The following GIGYF2 variants were observed in gnomAD, a reference collection of about 807,000 sequenced individuals.
The protein encoded by GIGYF2 is GRB10-interacting GYF protein 2.
In GIGYF2, 25 loss-of-function variants were observed where a neutral mutation model predicts 208.1. The ratio of observed to expected loss-of-function variants is 0.12; its 90% CI spans 0.09 to 0.17. The LOEUF (loss-of-function observed/expected upper bound fraction) is 0.17, where lower values mean the gene tolerates loss of function less well. Among genes scored for constraint, GIGYF2 ranks in the 10% least tolerant of loss-of-function variants. The probability of loss-of-function intolerance (pLI) is 1.00; values close to 1 mark genes in which losing one functional copy is unlikely to be tolerated. For missense variants in GIGYF2, 1,302 were observed against 1,579.4 expected, an observed-to-expected ratio of 0.82 and a Z score of 2.98; for synonymous variants, 534 against 543.8, an observed-to-expected ratio of 0.98 and a Z score of 0.25.
At chr2:232,822,287 G>C (rs1419342849) in intron 21 of GIGYF2, among the ~76,000 whole-genome samples, 1 of 152,058 alleles carries the variant, frequency 6.6e-6, no homozygotes, top group African/African-American at 2.4e-5. Flanking sequence ...TGTTTTCCTT[G>C]TTTTTTCTCA....
intron 8 of GIGYF2, among the ~76,000 whole-genome samples, chr2:232,765,108 C>G (rs536472307): frequency 5.9e-5 from 9 of 152,206 alleles, no homozygotes; most frequent in African/African-American, 2.2e-4. Flanking sequence ...ATGTCATAGT[C>G]ACTTTGATTG....
In GIGYF2 at chr2:232,796,051, T is replaced by C. The variant is rs1574894532; in HGVS notation, c.1480-11T>C. The C allele has an allele frequency of 2.5e-6, 4 of 1,603,840 alleles. No individual in the cohort carries two copies. In the East Asian group the frequency reaches 8.9e-5, roughly 36 times the overall value. On this transcript the variant is annotated splice_polypyrimidine_tract_variant and intron_variant, in intron 13 of 28. Transcript: ENST00000373563. ...CATTTGTTTCCTTGATTTTTGTTTT[T>C]CTGTTACTAGCAAGCTGAGAAAATG... is the stretch of plus-strand genomic sequence containing the variant.
At chr2:232,743,095 A>T (rs377631525) in intron 3 of GIGYF2, among the ~76,000 whole-genome samples, 2 of 152,166 alleles carry the variant, frequency 1.3e-5, no homozygotes, top group Non-Finnish European at 2.9e-5. Flanking sequence ...TGGGAGTATC[A>T]TGGGGCTTTG....
At chr2:232,739,371 C>A (rs1350858986) in intron 3 of GIGYF2, among the ~76,000 whole-genome samples, 1 of 136,196 alleles carries the variant, frequency 7.3e-6, no homozygotes, top group Non-Finnish European at 1.6e-5. Context: ...ACCCCCCCCC[C>A]CCCGCAAAAA....
chr2:232,809,844 G>T, intron 16 of GIGYF2, 33 bp downstream of exon 16: 4 of 1,127,720 alleles, frequency 3.5e-6, no homozygotes, highest in Non-Finnish European at 5.4e-6. Context: ...ATGTACTGCA[G>T]CATGAAAAAG....
chr2:232,847,613 T>C (rs932648171), intron 27 of GIGYF2, 42 bp downstream of exon 27: 1 of 1,608,704 alleles, frequency 6.2e-7, no homozygotes, highest in Non-Finnish European at 8.5e-7. Flanking sequence ...TGAGGATTAA[T>C]ACCTTTAGAT....
chr2:232,737,760 G>A (rs913912512), intron 3 of GIGYF2, among the ~76,000 whole-genome samples: 3 of 151,816 alleles, frequency 2.0e-5, no homozygotes, highest in African/African-American at 2.4e-5. Context: ...GTTTATTAAG[G>A]TCATCATTTT....
In GIGYF2 at chr2:232,824,147, C is replaced by A. The variant is rs6711939; in HGVS notation, c.2529+4162C>A. 5.7e-3 allele frequency among the ~76,000 whole-genome samples: 871 copies of A among 152,246 alleles called. 3 individuals are homozygous for A. The highest frequency in any genetic ancestry group is 0.02 in the African/African-American group (830 of 41,504). On this transcript the variant is annotated intron_variant, in intron 21 of 28. Transcript: ENST00000373563. ...TCCTCTCCTTCGACCTCCCTATTCG[C>A]TGAGACACATCATTATGGAAATTAG...
chr2:232,841,712 T>C (rs767496243), intron 23 of GIGYF2, among the ~76,000 whole-genome samples: 64 of 152,116 alleles, frequency 4.2e-4, no homozygotes, highest in Non-Finnish European at 7.1e-4. Context: ...ATTTCTTACG[T>C]AGAAAAACCC....
chr2:232,796,609 A>T lies in GIGYF2; in HGVS notation c.1639+388A>T, dbSNP rs192404950. Among the ~76,000 whole-genome samples the T allele has an allele frequency of 2.8e-3, 423 of 152,356 alleles. 3 individuals are homozygous for T. The highest frequency in any genetic ancestry group is 9.8e-3 in the African/African-American group (409 of 41,592). ...TGGCGTGGCTCACGCCTGTAATCCC[A>T]GCACTTTGGGAAGCCGAGGTGGGCG... is the stretch of plus-strand genomic sequence containing the variant. On this transcript the variant is annotated intron_variant, in intron 14 of 28. Coordinates refer to ENST00000373563, the MANE Select transcript of GIGYF2 (RefSeq NM_001103146.3).
chr2:232,786,482 C>T (rs1699911551), intron 8 of GIGYF2, among the ~76,000 whole-genome samples: 1 of 152,206 alleles, frequency 6.6e-6, no homozygotes, highest in Non-Finnish European at 1.5e-5. Flanking sequence ...CGTGATCCAC[C>T]TGTCTCGGCC....
intron 2 of GIGYF2, among the ~76,000 whole-genome samples, chr2:232,708,342 T>C (rs1696225252): frequency 6.6e-6 from 1 of 152,134 alleles, no homozygotes; most frequent in Non-Finnish European, 1.5e-5. Context: ...CTATGTTGTT[T>C]AATTGTGTGG....
At chr2:232,829,580 TC>T (rs2106405750) in intron 21 of GIGYF2, among the ~76,000 whole-genome samples, 1 of 152,324 alleles carries the variant, frequency 6.6e-6, no homozygotes, top group South Asian at 2.1e-4. Context: ...TTTTCCAGCT[TC>T]CAGCTGCACC....
rs1695634761 is a variant in GIGYF2 at position 232,697,359 on chromosome 2, C to G, written c.-143C>G. The stretch of plus-strand genomic sequence containing the variant: ...TTGTGTTGTTGAGGCTGAGGACTGA[C>G]TGGGGTTCTGAGACTCCCTGTCCCG... On this transcript the variant is annotated 5_prime_UTR_variant, in exon 1 of 29. Transcript: ENST00000373563. The G allele has an allele frequency of 6.6e-6, 1 of 152,490 alleles. No homozygotes were observed. Among genetic ancestry groups the G allele is most frequent in the Non-Finnish European group, 1.5e-5 (1 of 68,270 alleles). The allele number at this position is 152,490 out of a possible 1,614,324, so 9.4% of individuals were successfully genotyped here. A position where few individuals can be genotyped will look rare whatever the true frequency, so the allele number is the denominator to read the frequency against.
chr2:232,707,748 C>G (rs995031783), intron 2 of GIGYF2, among the ~76,000 whole-genome samples: 2 of 151,462 alleles, frequency 1.3e-5, no homozygotes, highest in African/African-American at 4.9e-5. Flanking sequence ...AGCGATTTTC[C>G]TGCCTCAGCC....
chr2:232,707,108 AAGG>A (rs1279255377), intron 2 of GIGYF2, among the ~76,000 whole-genome samples: 2 of 152,124 alleles, frequency 1.3e-5, no homozygotes, highest in African/African-American at 4.8e-5. Context: ...TTTTCACTAA[AAGG>A]AGGAAGAAAG....
chr2:232,754,592 G>A (rs1698460393), intron 5 of GIGYF2, among the ~76,000 whole-genome samples: 1 of 152,068 alleles, frequency 6.6e-6, no homozygotes, highest in Non-Finnish European at 1.5e-5. Flanking sequence ...AGTTAGCTCT[G>A]ACCACAATTA....
At chr2:232,729,849 C>T in intron 2 of GIGYF2, 1 of 735,756 alleles carries the variant, frequency 1.4e-6, no homozygotes, top group South Asian at 1.4e-5. Context: ...CTTCCCTTAG[C>T]CTCTTCGTTT....
chr2:232,753,180 GTGGTGTGA>G (rs2106317917), intron 5 of GIGYF2, among the ~76,000 whole-genome samples: 1 of 151,816 alleles, frequency 6.6e-6, no homozygotes, highest in South Asian at 2.1e-4. Flanking sequence ...CTAGAGTGCA[GTGGTGTGA>G]TCTTGGCTCA....
Sources: allele counts gnomAD v4.1 joint callset (sites outside exome capture counted in the v4.1 genomes callset), GRCh38; gene constraint gnomAD v4.1.1; transcripts MANE v1.5; gene names NCBI Gene and HGNC (gene_info 2026-07-23, HGNC 2026-07-21).